EIF4G3: variants seen among roughly 807,000 people sequenced by gnomAD.
EIF4G3 encodes eIF-4-gamma 3.
A neutral mutation model predicts 186.4 loss-of-function variants in EIF4G3; 34 were observed. The ratio of observed to expected loss-of-function variants is 0.18; its 90% CI spans 0.14 to 0.24. The LOEUF is 0.24. Ranked by LOEUF, EIF4G3 falls within the 10% of genes least tolerant of loss-of-function variation. The probability of loss-of-function intolerance (pLI) is 1.00; values close to 1 mark genes in which losing one functional copy is unlikely to be tolerated. For missense variants in EIF4G3, 1,536 were observed against 1,948.5 expected, an observed-to-expected ratio of 0.79 and a Z score of 3.99; for synonymous variants, 673 against 679.5, an observed-to-expected ratio of 0.99 and a Z score of 0.15.
chr1:20,833,539 C>A (rs1213619643), intron 30 of EIF4G3, among the ~76,000 whole-genome samples: 1 of 152,194 alleles, frequency 6.6e-6, no homozygotes, highest in African/African-American at 2.4e-5. Context: ...GATATACAAT[C>A]ATGTCGTCTG....
intron 2 of EIF4G3, among the ~76,000 whole-genome samples, chr1:21,126,306 G>A (rs2097043109): frequency 6.6e-6 from 1 of 150,874 alleles, no homozygotes; most frequent in South Asian, 2.1e-4. Flanking sequence ...TGTATTCTGA[G>A]GCCAGAGTCC....
intron 2 of EIF4G3, among the ~76,000 whole-genome samples, chr1:21,097,870 AAGAGG>A (rs1474852253): frequency 6.6e-6 from 1 of 152,190 alleles, no homozygotes; most frequent in East Asian, 1.9e-4. Flanking sequence ...AAGAAACAAT[AAGAGG>A]AAACAACTGT....
chr1:20,865,784 A>G (rs920980373), intron 20 of EIF4G3, among the ~76,000 whole-genome samples: 1 of 152,174 alleles, frequency 6.6e-6, no homozygotes, highest in Non-Finnish European at 1.5e-5. Context: ...TCATAATGTT[A>G]GCACTTACCT....
chr1:20,910,781 T>C (rs1044338712), intron 14 of EIF4G3, among the ~76,000 whole-genome samples: 6 of 151,958 alleles, frequency 3.9e-5, no homozygotes. Context: ...TTTTAGAGAG[T>C]AGGTTAAGGT....
At chr1:20,937,105 G>C (rs1444381184) in intron 14 of EIF4G3, among the ~76,000 whole-genome samples, 1 of 152,102 alleles carries the variant, frequency 6.6e-6, no homozygotes, top group Non-Finnish European at 1.5e-5. Flanking sequence ...CTGCAAAGTG[G>C]GAACCTGGAA....
At chr1:20,999,764 C>T (rs1390177946) in intron 6 of EIF4G3, 4 of 450,962 alleles carry the variant, frequency 8.9e-6, no homozygotes, top group African/African-American at 6.0e-5. Flanking sequence ...TAGTCTTAAT[C>T]CTATGGGTAG....
intron 2 of EIF4G3, among the ~76,000 whole-genome samples, chr1:21,108,974 T>C (rs370313014): frequency 1.3e-5 from 2 of 151,598 alleles, no homozygotes; most frequent in African/African-American, 4.8e-5. Flanking sequence ...TCCCAGCATT[T>C]TGGGAGGATG....
intron 29 of EIF4G3, 39 bp downstream of exon 29, chr1:20,849,376 G>T: frequency 1.7e-6 from 2 of 1,149,350 alleles, no homozygotes; most frequent in Non-Finnish European, 2.5e-6. Context: ...ACTATCAAAG[G>T]ACTTACTGTG....
chr1:20,822,153 GGCATGAGCCA>G (rs2062541806), intron 33 of EIF4G3, among the ~76,000 whole-genome samples: 1 of 152,118 alleles, frequency 6.6e-6, no homozygotes, highest in African/African-American at 2.4e-5. Context: ...TGGAATTATA[GGCATGAGCCA>G]CCACGCCTGG....
At position 20,994,651 on chromosome 1, in the gene EIF4G3, TAA is replaced by T. The variant is rs1247608814; in HGVS notation, c.177+2948_177+2949del. Among the ~76,000 whole-genome samples the T allele has an allele frequency of 6.2e-5, 8 of 128,228 alleles. No homozygotes were observed. The East Asian group carries it at 1.7e-3, about 27-fold the overall frequency. 84.1% of individuals were successfully genotyped at this position (128,228 alleles called of 152,430 possible). On this transcript the variant is annotated intron_variant, in intron 7 of 36. Transcript: ENST00000602326. ...TACTTTTTTTTTTTTTTTTTTGAGA[TAA>T]AGTCTCACTCTTTCACCCAGGCTGA...
In EIF4G3 at chr1:21,145,647, T is replaced by C. The variant is rs1236387954; in HGVS notation, c.-272+30528A>G. Among the ~76,000 whole-genome samples the C allele has an allele frequency of 2.0e-5, 3 of 152,112 alleles. 1 individual carries two copies. In the South Asian group the frequency reaches 6.2e-4, roughly 32 times the overall value. Reference sequence around the variant, plus strand: ...ATTGTGATTTCCCTTAAAGAAAACATAAATATTCAAGTGTGAATGGTAAAG... The same window carrying C: ...ATTGTGATTTCCCTTAAAGAAAACACAAATATTCAAGTGTGAATGGTAAAG... On this transcript the variant is annotated intron_variant, in intron 2 of 36. Coordinates refer to ENST00000602326, the MANE Select transcript of EIF4G3 (RefSeq NM_001391906.1).
intron 7 of EIF4G3, among the ~76,000 whole-genome samples, chr1:20,983,746 A>G (rs2078802429): frequency 6.6e-6 from 1 of 152,224 alleles, no homozygotes; most frequent in Non-Finnish European, 1.5e-5. Flanking sequence ...GGGCGTATCA[A>G]ATGAACACAG....
intron 14 of EIF4G3, among the ~76,000 whole-genome samples, chr1:20,913,999 G>A (rs1362267595): frequency 2.6e-5 from 4 of 151,646 alleles, no homozygotes; most frequent in South Asian, 2.1e-4. Context: ...TAGTAGAGAC[G>A]GGGTTTCACC....
chr1:20,973,095 C>T lies in EIF4G3; in HGVS notation c.498G>A (p.Thr166=), dbSNP rs748312047. The change falls in exon 11 of 37, where the codon ACG becomes ACA. Residue 166 remains threonine, a synonymous_variant. Transcript: ENST00000602326. ...ACACCGGCTGACTTGGGTAAAAAGGCGTTCCTAAAAAGTTGGAAAAAATTA... is the reference window on the plus strand; with the variant it reads ...ACACCGGCTGACTTGGGTAAAAAGGTGTTCCTAAAAAGTTGGAAAAAATTA... The part of the protein sequence containing the change: ...GPGDFPNAYG[T]PFYPSQPVYQ... The T allele has an allele frequency of 9.3e-6, 15 of 1,607,072 alleles. No individual in the cohort carries two copies. Among genetic ancestry groups the T allele is most frequent in the African/African-American group, 2.7e-5 (2 of 74,446 alleles).
At chr1:21,028,801 C>G (rs1207383574) in intron 4 of EIF4G3, among the ~76,000 whole-genome samples, 1 of 152,130 alleles carries the variant, frequency 6.6e-6, no homozygotes, top group African/African-American at 2.4e-5. Context: ...GACTGAAAGT[C>G]AATTAGTGAT....
Position 20,973,033 on chromosome 1 carries a change from T to C in EIF4G3, c.560A>G (p.Gln187Arg), listed in dbSNP as rs2076202422. Residue 187 changes from glutamine to arginine, a missense_variant, in exon 11 of 37, where the codon CAG (glutamine) becomes CGG (arginine). This residue lies in a region of EIF4G3 where 194 missense variants were observed against 212.8 expected (regional missense o/e 0.91). Transcript: ENST00000602326. ...SAPIIVPTQQ[Q>R]PPPAKREKKT... Reference sequence around the variant, plus strand: ...TTTCTCTCTCTTGGCTGGAGGCGGCTGTTGCTGCGTAGGCACTATGATAGG... The same window carrying C: ...TTTCTCTCTCTTGGCTGGAGGCGGCCGTTGCTGCGTAGGCACTATGATAGG... 6.2e-7 allele frequency: 1 copy of C among 1,608,472 alleles called. No individual in the cohort carries two copies. The highest frequency in any genetic ancestry group is 1.1e-5 in the South Asian group (1 of 89,114).
intron 13 of EIF4G3, among the ~76,000 whole-genome samples, chr1:20,948,006 A>G (rs1321522937): frequency 6.6e-6 from 1 of 152,222 alleles, no homozygotes; most frequent in East Asian, 1.9e-4. Flanking sequence ...CAGGAAGGAC[A>G]GAACTATCAT....
In EIF4G3 at chr1:21,129,781, C is replaced by A. The variant is rs2097120337; in HGVS notation, c.-271-40568G>T. 2.0e-5 allele frequency among the ~76,000 whole-genome samples: 3 copies of A among 151,994 alleles called. No individual in the cohort carries two copies. In the South Asian group the frequency reaches 6.2e-4, roughly 32 times the overall value. Reference sequence around the variant, plus strand: ...ACCATTTTGGGCCTAGGATCCCACACTGATCCATCAAGCAGAAGTTTGCTA... The same window carrying A: ...ACCATTTTGGGCCTAGGATCCCACAATGATCCATCAAGCAGAAGTTTGCTA... On this transcript the variant is annotated intron_variant, in intron 2 of 36. Coordinates refer to ENST00000602326, the MANE Select transcript of EIF4G3 (RefSeq NM_001391906.1).
chr1:20,816,367 T>G (rs1391272726), intron 34 of EIF4G3, among the ~76,000 whole-genome samples: 2 of 7,574 alleles, frequency 2.6e-4, no homozygotes, highest in African/African-American at 1.1e-3. Context: ...GGGAGGGAGG[T>G]GGGGGGGTCA....
Sources: gnomAD v4.1 joint callset for allele counts (sites outside exome capture counted in the v4.1 genomes callset) on GRCh38, gnomAD v4.1.1 for gene constraint, gnomAD v4.1.1 regional missense constraint, MANE v1.5 for transcripts, NCBI Gene and HGNC (gene_info 2026-07-23, HGNC 2026-07-21) for gene names.